The following AMMECR1 variants were observed in gnomAD, a reference collection of about 807,000 sequenced individuals.
The protein encoded by AMMECR1 is nuclear protein AMMECR1.
A neutral mutation model predicts 22.5 loss-of-function variants in AMMECR1; 3 were observed. The observed-to-expected ratio is 0.13, with a 90% CI of 0.06 to 0.35. The LOEUF (loss-of-function observed/expected upper bound fraction) is 0.35. Among genes scored for constraint, AMMECR1 ranks in the 10% least tolerant of loss-of-function variants. The probability of loss-of-function intolerance (pLI) is 1.00; values close to 1 mark genes in which losing one functional copy is unlikely to be tolerated. For synonymous variants in AMMECR1, 130 were observed against 116.7 expected, an observed-to-expected ratio of 1.11 and a Z score of -0.74; for missense variants, 235 against 278.7, an observed-to-expected ratio of 0.84 and a Z score of 1.12.
chrX:110,317,784 T>C lies in AMMECR1; in HGVS notation c.288A>G (p.Leu96=). 4 of 1,171,124 alleles carry C rather than the reference T, an allele frequency of 3.4e-6. No individual in the cohort carries two copies. In the South Asian group the frequency reaches 5.7e-5, roughly 17 times the overall value. The change falls in exon 1 of 6, where the codon CTA becomes CTG. Residue 96 remains leucine (L), a synonymous_variant. Transcript: ENST00000262844. ...AGGTGGCGGCGGCCGGGGTAGAAAG[T>C]AGGGTCCCCACTCCGCAGCTCGGAG... is the stretch of plus-strand genomic sequence containing the variant. ...SPPPSCGVGT[L]LSTPAAATSS...
At chrX:110,379,314 G>GA (rs1341710959) in intron 2 of AMMECR1, among the ~76,000 whole-genome samples, 2 of 111,712 alleles carry the variant, frequency 1.8e-5, no homozygotes, top group African/African-American at 3.2e-5. Flanking sequence ...AGAGAAAAAT[G>GA]AAAAAAATAT....
chrX:110,374,955 A>G lies in AMMECR1; in HGVS notation c.-148+51703T>C, dbSNP rs181278981. Among the ~76,000 whole-genome samples the G allele has an allele frequency of 4.7e-3, 522 of 111,265 alleles. 1 individual carries two copies. The highest frequency in any genetic ancestry group is 0.015 in the African/African-American group (472 of 30,541). On this transcript the variant is annotated intron_variant, in intron 2 of 7. Transcript: ENST00000372057. ...CCCTTCAGCCTTTTTAAAGGAAATT[A>G]TATGTTTTCTGACTGGCCAATGAAA...
intron 1 of AMMECR1, among the ~76,000 whole-genome samples, chrX:110,433,685 A>G (rs1388473302): frequency 8.9e-6 from 1 of 111,918 alleles, no homozygotes; most frequent in Non-Finnish European, 1.9e-5. Context: ...AATCATGAAA[A>G]GAGCTTAGGA....
At chrX:110,239,312 G>A (rs2067618086) in intron 2 of AMMECR1, among the ~76,000 whole-genome samples, 1 of 110,985 alleles carries the variant, frequency 9.0e-6, no homozygotes, top group African/African-American at 3.3e-5. Flanking sequence ...AAAAAAGTTA[G>A]AGGAATTGCT....
At chrX:110,281,256 T>C (rs968592229) in intron 1 of AMMECR1, among the ~76,000 whole-genome samples, 1 of 112,111 alleles carries the variant, frequency 8.9e-6, no homozygotes, top group Non-Finnish European at 1.9e-5. Context: ...GAATGGCTTC[T>C]TTCCAACTTG....
chrX:110,287,310 T>C (rs2067885471), intron 1 of AMMECR1, among the ~76,000 whole-genome samples: 1 of 112,507 alleles, frequency 8.9e-6, no homozygotes, highest in African/African-American at 3.2e-5. Context: ...GATGATCTTT[T>C]TACTTCAGGG....
chrX:110,272,271 C>T (rs1327691024), intron 1 of AMMECR1, among the ~76,000 whole-genome samples: 2 of 110,766 alleles, frequency 1.8e-5, no homozygotes, highest in Non-Finnish European at 3.8e-5. Flanking sequence ...CAAAAAAGAG[C>T]TTCTATTGAA....
chrX:110,280,128 A>G (rs760366988), intron 1 of AMMECR1, among the ~76,000 whole-genome samples: 1 of 111,252 alleles, frequency 9.0e-6, no homozygotes, highest in Admixed American at 9.6e-5. Context: ...TATGAGGTAG[A>G]TACTATTATT....
chrX:110,280,724 C>T (rs1347076650), intron 1 of AMMECR1, among the ~76,000 whole-genome samples: 1 of 111,596 alleles, frequency 9.0e-6, no homozygotes, highest in Admixed American at 9.5e-5. Flanking sequence ...AATATTTTCA[C>T]ATTTTTAGGA....
At chrX:110,199,680 A>G (rs958667074) in intron 5 of AMMECR1, among the ~76,000 whole-genome samples, 7 of 110,645 alleles carry the variant, frequency 6.3e-5, no homozygotes, top group Non-Finnish European at 1.3e-4. Flanking sequence ...TTTCTTCCAC[A>G]TTATTTTCAT....
chrX:110,317,071 G>A (rs2068052169), intron 1 of AMMECR1, among the ~76,000 whole-genome samples: 1 of 111,867 alleles, frequency 8.9e-6, no homozygotes. Flanking sequence ...AAACCCAGAG[G>A]AGAAGATGGG....
chrX:110,421,214 G>A (rs184811117), intron 2 of AMMECR1, among the ~76,000 whole-genome samples: 202 of 112,513 alleles, frequency 1.8e-3, no homozygotes, highest in Non-Finnish European at 3.0e-3. Context: ...AAGGGACCAA[G>A]CAGGATTTAA....
chrX:110,399,040 GTC>G (rs1231286183), intron 2 of AMMECR1, among the ~76,000 whole-genome samples: 1 of 112,198 alleles, frequency 8.9e-6, no homozygotes, highest in Middle Eastern at 4.2e-3. Context: ...CTCAGTGAAT[GTC>G]TCTGCCTCAT....
At chrX:110,209,184 A>G (rs1030509622) in intron 3 of AMMECR1, among the ~76,000 whole-genome samples, 4 of 111,886 alleles carry the variant, frequency 3.6e-5, no homozygotes, top group Non-Finnish European at 7.5e-5. Context: ...ATTAAGAAAA[A>G]TAAAATTGTA....
chrX:110,358,870 C>G (rs1252103230), intron 2 of AMMECR1: 1 of 111,451 alleles, frequency 9.0e-6, no homozygotes, highest in Non-Finnish European at 1.9e-5. Flanking sequence ...AGCCCTGCTC[C>G]AGGTCCCAGG....
intron 2 of AMMECR1, among the ~76,000 whole-genome samples, chrX:110,393,097 C>T (rs576757540): frequency 4.0e-4 from 45 of 111,302 alleles, no homozygotes; most frequent in African/African-American, 1.3e-3. Context: ...TGCTTCCCAC[C>T]GGAGACTGCA....
chrX:110,367,291 T>A (rs1450585134), intron 2 of AMMECR1, among the ~76,000 whole-genome samples: 1 of 111,883 alleles, frequency 8.9e-6, no homozygotes, highest in East Asian at 2.8e-4. Flanking sequence ...CTGGAATGAG[T>A]TGTCTCTGCT....
intron 2 of AMMECR1, among the ~76,000 whole-genome samples, chrX:110,411,916 C>T (rs1164467386): frequency 8.9e-6 from 1 of 112,217 alleles, no homozygotes; most frequent in Non-Finnish European, 1.9e-5. Flanking sequence ...ACAGTAGGTA[C>T]TCAATAAATA....
rs773585799 is a variant in AMMECR1 at position 110,317,023 on chromosome X, G to C, written c.473+576C>G. Among the ~76,000 whole-genome samples the C allele has an allele frequency of 8.9e-5, 10 of 111,827 alleles. No individual in the cohort carries two copies. In the South Asian group the frequency reaches 3.8e-3, roughly 42 times the overall value. ...TAAAAATAAGTAGTAAGGGAAAAAT[G>C]TGTTTTAAGAAACCTCCCCCCTTCC... On this transcript the variant is annotated intron_variant, in intron 1 of 5. Transcript: ENST00000262844.
Sources: gnomAD v4.1 joint callset for allele counts (sites outside exome capture counted in the v4.1 genomes callset) on GRCh38, gnomAD v4.1.1 for gene constraint, MANE v1.5 for transcripts, NCBI Gene and HGNC (gene_info 2026-07-23, HGNC 2026-07-21) for gene names.